CNTNAP5: variants seen among roughly 807,000 people sequenced by gnomAD.
CNTNAP5 encodes contactin associated protein family member 5, also known as contactin-associated protein-like 5.
Under a neutral mutation model 150.2 loss-of-function variants are expected in CNTNAP5, and 72 were observed. The observed-to-expected ratio is 0.48, with a 90% CI of 0.40 to 0.58. CNTNAP5 has a LOEUF of 0.58. Among genes scored for constraint, CNTNAP5 ranks in the 20% least tolerant of loss-of-function variants. The pLI is 0.00. For missense variants in CNTNAP5, 1,636 were observed against 1,626.2 expected, an observed-to-expected ratio of 1.01 and a Z score of -0.10; for synonymous variants, 672 against 619.8, an observed-to-expected ratio of 1.08 and a Z score of -1.25.
chr2:124,517,885 A>T (rs1011692947), intron 8 of CNTNAP5, among the ~76,000 whole-genome samples: 1 of 149,620 alleles, frequency 6.7e-6, no homozygotes, highest in Non-Finnish European at 1.5e-5. Flanking sequence ...AGTGTTGGTG[A>T]TGGAGGGTTG....
intron 3 of CNTNAP5, among the ~76,000 whole-genome samples, chr2:124,336,033 A>G (rs1689457761): frequency 6.6e-6 from 1 of 151,930 alleles, no homozygotes; most frequent in African/African-American, 2.4e-5. Context: ...CTCCCTCCTT[A>G]TAGGGATGAG....
chr2:124,358,440 G>T (rs368259725), intron 3 of CNTNAP5, among the ~76,000 whole-genome samples: 9 of 152,240 alleles, frequency 5.9e-5, no homozygotes, highest in African/African-American at 1.4e-4. Context: ...GGCTGTGGGT[G>T]TGTCATAGAT....
At chr2:124,469,851 T>C (rs1176031217) in intron 6 of CNTNAP5, among the ~76,000 whole-genome samples, 6 of 152,186 alleles carry the variant, frequency 3.9e-5, no homozygotes, top group Non-Finnish European at 5.9e-5. Context: ...CTGCATTAGT[T>C]TGATGAGGAT....
intron 19 of CNTNAP5, among the ~76,000 whole-genome samples, chr2:124,861,430 A>C (rs1677521446): frequency 6.6e-6 from 1 of 151,714 alleles, no homozygotes; most frequent in Non-Finnish European, 1.5e-5. Flanking sequence ...AAAATAAATA[A>C]ATAAATAAAT....
intron 17 of CNTNAP5, among the ~76,000 whole-genome samples, chr2:124,788,123 T>A (rs1681637796): frequency 6.6e-6 from 1 of 152,228 alleles, no homozygotes; most frequent in Non-Finnish European, 1.5e-5. Flanking sequence ...GGCCAGGCTG[T>A]ACCTCCACCT....
At chr2:124,134,035 C>A (rs1683921196) in intron 1 of CNTNAP5, among the ~76,000 whole-genome samples, 1 of 152,138 alleles carries the variant, frequency 6.6e-6, no homozygotes, top group Admixed American at 6.6e-5. Context: ...AATTGCTGTT[C>A]TTTCCTGCAA....
chr2:124,030,181 T>C (rs997317587), intron 1 of CNTNAP5, among the ~76,000 whole-genome samples: 1 of 152,144 alleles, frequency 6.6e-6, no homozygotes, highest in Non-Finnish European at 1.5e-5. Flanking sequence ...ATGCTGATAT[T>C]GCCTACTGGT....
chr2:124,103,526 C>G (rs1236636976), intron 1 of CNTNAP5, among the ~76,000 whole-genome samples: 7 of 151,680 alleles, frequency 4.6e-5, no homozygotes, highest in African/African-American at 1.7e-4. Flanking sequence ...ATTTTATGCT[C>G]TATTGTTACT....
intron 7 of CNTNAP5, among the ~76,000 whole-genome samples, chr2:124,476,640 A>G (rs1037710237): frequency 1.3e-5 from 2 of 152,132 alleles, no homozygotes; most frequent in Non-Finnish European, 2.9e-5. Flanking sequence ...CTATCTGACA[A>G]TGATTAAATT....
intron 7 of CNTNAP5, among the ~76,000 whole-genome samples, chr2:124,475,406 G>A (rs1433319639): frequency 6.6e-6 from 1 of 151,974 alleles, no homozygotes; most frequent in Non-Finnish European, 1.5e-5. Context: ...GTTTCATGAG[G>A]GTCAGGACTG....
At chr2:124,496,368 CT>C (rs1414997048) in intron 7 of CNTNAP5, among the ~76,000 whole-genome samples, 1 of 152,086 alleles carries the variant, frequency 6.6e-6, no homozygotes, top group Non-Finnish European at 1.5e-5. Context: ...CAAGAACTGG[CT>C]TTGAAATCTT....
At chr2:124,667,420 C>T (rs1457717704) in intron 13 of CNTNAP5, among the ~76,000 whole-genome samples, 1 of 152,192 alleles carries the variant, frequency 6.6e-6, no homozygotes, top group African/African-American at 2.4e-5. Flanking sequence ...GTATCTTTGT[C>T]ACTGAACAAC....
At chr2:124,544,445 T>C (rs562894464) in intron 10 of CNTNAP5, among the ~76,000 whole-genome samples, 1 of 152,310 alleles carries the variant, frequency 6.6e-6, no homozygotes, top group East Asian at 1.9e-4. Context: ...ACTCCCATAG[T>C]TCTTAATCCT....
intron 3 of CNTNAP5, among the ~76,000 whole-genome samples, chr2:124,297,052 TA>T (rs1432913706): frequency 6.6e-6 from 1 of 152,204 alleles, no homozygotes; most frequent in African/African-American, 2.4e-5. Flanking sequence ...CTTTTCCTAT[TA>T]CTTTCTCTGG....
intron 23 of CNTNAP5, 39 bp from the exon 24 acceptor site, chr2:124,914,053 G>A: frequency 6.6e-7 from 1 of 1,505,748 alleles, no homozygotes; most frequent in South Asian, 1.2e-5. Flanking sequence ...GATGACTCAT[G>A]ACGATTTCCT....
chr2:124,293,740 T>C (rs892110135), intron 3 of CNTNAP5, among the ~76,000 whole-genome samples: 7 of 151,898 alleles, frequency 4.6e-5, no homozygotes, highest in African/African-American at 1.7e-4. Context: ...CTGAAATGCA[T>C]ACACCGAGAT....
At chr2:124,462,400 T>A (rs983147361) in intron 6 of CNTNAP5, among the ~76,000 whole-genome samples, 1 of 152,180 alleles carries the variant, frequency 6.6e-6, no homozygotes, top group African/African-American at 2.4e-5. Flanking sequence ...AAGTTTTATG[T>A]GAGTGAAATA....
intron 13 of CNTNAP5, among the ~76,000 whole-genome samples, chr2:124,702,184 C>G (rs1229895473): frequency 6.6e-6 from 1 of 151,778 alleles, no homozygotes; most frequent in Admixed American, 6.6e-5. Context: ...AATAACACAA[C>G]AAAACCAAAT....
chr2:124,082,092 A>G (rs539292279), intron 1 of CNTNAP5, among the ~76,000 whole-genome samples: 257 of 152,178 alleles, frequency 1.7e-3, no homozygotes, highest in Admixed American at 1.7e-3. Flanking sequence ...GCTCATGCCT[A>G]TAATCCCAGC....
Sources: allele counts gnomAD v4.1 joint callset (sites outside exome capture counted in the v4.1 genomes callset), GRCh38; gene constraint gnomAD v4.1.1; transcripts MANE v1.5; gene names NCBI Gene and HGNC (gene_info 2026-07-23, HGNC 2026-07-21).